Variants in NDUFAF5 observed in about 807,000 individuals in gnomAD.
NDUFAF5 encodes the protein NADH:ubiquinone oxidoreductase complex assembly factor 5.
In NDUFAF5, 34 loss-of-function variants were observed where a neutral mutation model predicts 48.9. The observed-to-expected ratio is 0.70, with a 90% CI of 0.53 to 0.93. The LOEUF (loss-of-function observed/expected upper bound fraction) is 0.93. NDUFAF5 is among the 40% of genes least tolerant of loss of function. The pLI is 0.00. For missense variants in NDUFAF5, 428 were observed against 427.5 expected, an observed-to-expected ratio of 1.00 and a Z score of -0.01; for synonymous variants, 153 against 150.6, an observed-to-expected ratio of 1.02 and a Z score of -0.12.
intron 8 of NDUFAF5, among the ~76,000 whole-genome samples, chr20:13,810,577 G>A (rs1034271448): frequency 3.9e-5 from 6 of 152,000 alleles, no homozygotes; most frequent in African/African-American, 1.4e-4. Flanking sequence ...ACAGGTGTCA[G>A]AAGAGAGGAG....
chr20:13,813,351 C>T (rs973484897), intron 8 of NDUFAF5, among the ~76,000 whole-genome samples: 3 of 152,158 alleles, frequency 2.0e-5, no homozygotes, highest in African/African-American at 7.2e-5. Flanking sequence ...AATCAGATGT[C>T]TTAGTTTTTG....
rs1029367844 is a variant in NDUFAF5, at chr20:13,819,700, T to C, written c.*2490T>C. On this transcript the variant is annotated 3_prime_UTR_variant, in exon 11 of 11. Coordinates refer to ENST00000378106, the MANE Select transcript of NDUFAF5 (RefSeq NM_024120.5). ...TTTCTTGATAACCCCACAGATAATA[T>C]CATAAACTCAAGTTGTCTGTATTGC... 9 of 152,174 alleles carry C rather than the reference T, an allele frequency of 5.9e-5. No homozygotes were observed. The highest frequency in any genetic ancestry group is 2.2e-4 in the African/African-American group (9 of 41,440). The allele number at this position is 152,174 out of a possible 1,614,324, so 9.4% of individuals were successfully genotyped here. A position where few individuals can be genotyped will look rare whatever the true frequency, so the allele number is the denominator to read the frequency against.
chr20:13,793,308 C>A (rs188219844), intron 4 of NDUFAF5, 81 bp downstream of exon 4: 758 of 1,234,892 alleles, frequency 6.1e-4, no homozygotes, highest in Non-Finnish European at 8.3e-4. Flanking sequence ...TTATTTCCTT[C>A]AAACTAGCTT....
At chr20:13,811,574 C>A (rs1985868091) in intron 8 of NDUFAF5, among the ~76,000 whole-genome samples, 1 of 151,986 alleles carries the variant, frequency 6.6e-6, no homozygotes, top group Admixed American at 6.6e-5. Context: ...GAGCTAACAG[C>A]CTTCTGGTGT....
chr20:13,818,160 A>C lies in NDUFAF5; in HGVS notation c.*950A>C, dbSNP rs1216823709. 4.4e-6 allele frequency: 2 copies of C among 453,976 alleles called. No individual in the cohort carries two copies. Among genetic ancestry groups the C allele is most frequent in the African/African-American group, 4.0e-5 (2 of 49,990 alleles). The allele number at this position is 453,976 out of a possible 1,614,324, so 28.1% of individuals were successfully genotyped here. ...TCCTTCCCTCCTTTACTGTATTAGC[A>C]ACAAGCTGTCCATGGGTGGGGGCTG... On this transcript the variant is annotated 3_prime_UTR_variant, in exon 11 of 11. Coordinates refer to ENST00000378106, the MANE Select transcript of NDUFAF5 (RefSeq NM_024120.5).
rs774258174 is a variant in NDUFAF5, at chr20:13,798,472, T to C, written c.491T>C (p.Val164Ala). The C allele has an allele frequency of 1.9e-6, 3 of 1,611,396 alleles. No homozygotes were observed. Among genetic ancestry groups the C allele is most frequent in the Non-Finnish European group, 2.5e-6 (3 of 1,177,660 alleles). Residue 164 changes from valine (V) to alanine (A), a missense_variant, in exon 6 of 11, where the codon GTG becomes GCG. Val to Ala is a moderately conservative substitution (Grantham distance 64). Transcript: ENST00000378106. The part of the protein sequence containing the change: ...LVVSSLSLHW[V>A]NDLPRALEQI... ...TTCTCATATTTTAGTTTGCATTGGG[T>C]GAATGACCTTCCTAGAGCACTTGAG...
chr20:13,800,368 A>G lies in NDUFAF5; in HGVS notation c.520-1118A>G, dbSNP rs534157628. Among the ~76,000 whole-genome samples the G allele has an allele frequency of 3.0e-3, 454 of 152,356 alleles. 3 individuals are homozygous for G. Among genetic ancestry groups the G allele is most frequent in the African/African-American group, 0.01 (432 of 41,576 alleles). On this transcript the variant is annotated intron_variant, in intron 6 of 10. Coordinates refer to ENST00000378106, the MANE Select transcript of NDUFAF5 (RefSeq NM_024120.5). Reference sequence around the variant, plus strand: ...TTTTAATTGCTTCATGACATATTAAATATAAATTTAAGACAGTACTTTTAT... The same window carrying G: ...TTTTAATTGCTTCATGACATATTAAGTATAAATTTAAGACAGTACTTTTAT...
At chr20:13,810,368 T>C (rs1041162994) in intron 8 of NDUFAF5, among the ~76,000 whole-genome samples, 1 of 152,190 alleles carries the variant, frequency 6.6e-6, no homozygotes, top group Non-Finnish European at 1.5e-5. Flanking sequence ...AAGCAAACTA[T>C]GAACTGAAAA....
rs1351903550 is a variant in NDUFAF5, at chr20:13,818,996, T to C, written c.*1786T>C. On this transcript the variant is annotated 3_prime_UTR_variant, in exon 11 of 11. Coordinates refer to ENST00000378106, the MANE Select transcript of NDUFAF5 (RefSeq NM_024120.5). ...TGGATGGTGGGGTGGAGCTAAGGAT[T>C]ACTCTACTCTGGCTATCCCAAAAAA... 2 of 152,212 alleles carry C rather than the reference T, an allele frequency of 1.3e-5. No individual in the cohort carries two copies. The highest frequency in any genetic ancestry group is 2.9e-5 in the Non-Finnish European group (2 of 68,036). 9.4% of individuals were successfully genotyped at this position (152,212 alleles called of 1,614,324 possible).
chr20:13,811,736 G>A (rs1985894059), intron 8 of NDUFAF5, among the ~76,000 whole-genome samples: 1 of 152,208 alleles, frequency 6.6e-6, no homozygotes, highest in Non-Finnish European at 1.5e-5. Context: ...AAGGGATGCT[G>A]GAGAAGCAGT....
chr20:13,788,433 T>G lies in NDUFAF5; in HGVS notation c.264-156T>G, dbSNP rs532212006. Among the ~76,000 whole-genome samples the G allele has an allele frequency of 6.6e-5, 10 of 152,308 alleles. No individual in the cohort carries two copies. In the East Asian group the frequency reaches 1.9e-3, roughly 29 times the overall value. On this transcript the variant is annotated intron_variant, in intron 2 of 10. Coordinates refer to ENST00000378106, the MANE Select transcript of NDUFAF5 (RefSeq NM_024120.5). ...GACAGACTTGCCTTGTACTGTAGGC[T>G]CTGGTATATACAGCTTGTAAGGTGA... is the stretch of plus-strand genomic sequence containing the variant.
rs564071411 is a variant in NDUFAF5, at chr20:13,797,620, G to A, written c.480-841G>A. On this transcript the variant is annotated intron_variant, in intron 5 of 10. Coordinates refer to ENST00000378106, the MANE Select transcript of NDUFAF5 (RefSeq NM_024120.5). ...ATAGGTGGAGCACAGAGGATTTTTA[G>A]GGCAGTAAAGCTACTCTATGATACT... 2.0e-5 allele frequency among the ~76,000 whole-genome samples: 3 copies of A among 152,230 alleles called. No individual in the cohort carries two copies. The East Asian group carries it at 5.8e-4, about 29-fold the overall frequency.
Position 13,785,093 on chromosome 20 carries a change from C to A in NDUFAF5, c.25C>A (p.Arg9Ser), listed in dbSNP as rs768566143. The change falls in exon 1 of 11, where the codon CGC (arginine) becomes AGC (serine). Residue 9 changes from arginine to serine, a missense_variant. Transcript: ENST00000378106. MLRPAGLW[R>S]LCRRPWAARV... ...GATGCTGCGGCCGGCAGGGCTCTGG[C>A]GCTTATGTCGGCGACCTTGGGCGGC... 1 of 1,612,896 alleles carries A rather than the reference C, an allele frequency of 6.2e-7. No individual in the cohort carries two copies. The highest frequency in any genetic ancestry group is 1.7e-5 in the Admixed American group (1 of 60,000).
intron 7 of NDUFAF5, chr20:13,803,421 A>G (rs1293268126): frequency 6.6e-6 from 1 of 152,272 alleles, no homozygotes; most frequent in Admixed American, 6.5e-5. Flanking sequence ...AGGCAATTGT[A>G]CACTGAAGGA....
intron 3 of NDUFAF5, among the ~76,000 whole-genome samples, chr20:13,789,834 G>T (rs1316098080): frequency 1.3e-5 from 2 of 152,172 alleles, no homozygotes; most frequent in African/African-American, 2.4e-5. Flanking sequence ...CTTGGGCCAG[G>T]GTGAGGAAGG....
In NDUFAF5 at chr20:13,821,106, CAAAT is replaced by C. The variant is rs1986955334; in HGVS notation, c.*3899_*3902del. 6.6e-6 allele frequency: 1 copy of C among 152,162 alleles called. No individual in the cohort carries two copies. Among genetic ancestry groups the C allele is most frequent in the South Asian group, 2.1e-4 (1 of 4,834 alleles). 9.4% of individuals were successfully genotyped at this position (152,162 alleles called of 1,614,324 possible). A position where few individuals can be genotyped will look rare whatever the true frequency, so the allele number is the denominator to read the frequency against. On this transcript the variant is annotated 3_prime_UTR_variant, in exon 11 of 11. Coordinates refer to ENST00000378106, the MANE Select transcript of NDUFAF5 (RefSeq NM_024120.5). ...GTGAACACTGATAAGTTACTGTTAACAAATAAGAAAATAATGCTTTGCCATCTGT... is the reference window on the plus strand; with the variant it reads ...GTGAACACTGATAAGTTACTGTTAACAAGAAAATAATGCTTTGCCATCTGT...
rs761333847 is a variant in NDUFAF5 at position 13,787,321 on chromosome 20, C to T, written c.232C>T (p.Arg78Trp). Reference protein sequence around the residue: ...FDYLKEEVGSRIADRVYDIPR... With the variant: ...FDYLKEEVGSWIADRVYDIPR... The stretch of plus-strand genomic sequence containing the variant: ...TCGTGTAATCCTTCAGGTTGGAAGT[C>T]GGATCGCAGACCGTGTATATGACAT... Residue 78 changes from arginine to tryptophan, a missense_variant, in exon 2 of 11, where the codon CGG (arginine) becomes TGG (tryptophan). Arg to Trp is a moderately radical substitution (Grantham distance 101, BLOSUM62 -3). Coordinates refer to ENST00000378106, the MANE Select transcript of NDUFAF5 (RefSeq NM_024120.5). The T allele has an allele frequency of 3.2e-5, 51 of 1,613,918 alleles. No homozygotes were observed. Among genetic ancestry groups the T allele is most frequent in the Non-Finnish European group, 3.6e-5 (43 of 1,179,970 alleles).
At position 13,793,047 on chromosome 20, in the gene NDUFAF5, A is replaced by T; in HGVS notation, c.328-133A>T. ...GTGTTATTAAAAGTATTTGTGTACC[A>T]TACTGGTTTTATGCAGAAATATACC... On this transcript the variant is annotated intron_variant, in intron 3 of 10. Coordinates refer to ENST00000378106, the MANE Select transcript of NDUFAF5 (RefSeq NM_024120.5). 2 of 902,930 alleles carry T rather than the reference A, an allele frequency of 2.2e-6. 1 individual carries two copies. Among genetic ancestry groups the T allele is most frequent in the Admixed American group, 3.7e-5 (2 of 53,806 alleles). 55.9% of individuals were successfully genotyped at this position (902,930 alleles called of 1,614,324 possible).
At chr20:13,799,372 G>A (rs1034772777) in intron 6 of NDUFAF5, among the ~76,000 whole-genome samples, 4 of 152,154 alleles carry the variant, frequency 2.6e-5, no homozygotes, top group Non-Finnish European at 5.9e-5. Flanking sequence ...GTGTTAAATA[G>A]CTCTGCGAGA....
Sources: allele counts gnomAD v4.1 joint callset (sites outside exome capture counted in the v4.1 genomes callset), GRCh38; gene constraint gnomAD v4.1.1; transcripts MANE v1.5; gene names NCBI Gene and HGNC (gene_info 2026-07-23, HGNC 2026-07-21).